The following TNR variants were observed in gnomAD, a reference collection of about 807,000 sequenced individuals.
The protein encoded by TNR is tenascin-R.
Under a neutral mutation model 150.4 loss-of-function variants are expected in TNR, and 45 were observed. The ratio of observed to expected loss-of-function variants is 0.30; its 90% CI spans 0.24 to 0.38. The LOEUF (loss-of-function observed/expected upper bound fraction) is 0.38. Ranked by LOEUF, TNR falls within the 10% of genes least tolerant of loss-of-function variation. The pLI is 1.00. For missense variants in TNR, 1,544 were observed against 1,759.1 expected (o/e 0.88, Z 2.19); for synonymous variants, 687 against 678.4 (o/e 1.01, Z -0.20).
chr1:175,691,531 T>C (rs972967000), intron 1 of TNR, among the ~76,000 whole-genome samples: 1 of 152,048 alleles, frequency 6.6e-6, no homozygotes, highest in Non-Finnish European at 1.5e-5. Context: ...CTACCCACTG[T>C]GTTCCTTAAC....
chr1:175,742,575 C>T (rs534862513), intron 1 of TNR, among the ~76,000 whole-genome samples: 17 of 152,222 alleles, frequency 1.1e-4, no homozygotes, highest in African/African-American at 4.1e-4. Context: ...GGGACCTCAA[C>T]CCCCCAAAGC....
intron 1 of TNR, among the ~76,000 whole-genome samples, chr1:175,547,597 GAAAGAAAGAAAGAAACAAAGAAAC>G (rs1244720320): frequency 0.071 from 1,729 of 24,320 alleles, 50 homozygotes; most frequent in African/African-American, 0.11. Context: ...AAGAAAGAAA[GAAAGAAAGAAAGAAACAAAGAAAC>G]AAAGAAAGAA....
At position 175,330,158 on chromosome 1, in the gene TNR, C is replaced by T. The variant is rs753805387; in HGVS notation, c.3709G>A (p.Ala1237Thr). 5 of 1,613,518 alleles carry T rather than the reference C, an allele frequency of 3.1e-6. No homozygotes were observed. The highest frequency in any genetic ancestry group is 1.1e-5 in the South Asian group (1 of 91,026). ...GAGAACCTGTCGTAGGAGGCGAAGG[C>T]GGCCTCTTGGCCATCCCGCATGTCC... is the stretch of plus-strand genomic sequence containing the variant. ...RVDMRDGQEAAFASYDRFSVE... is the reference protein window; with the variant it reads ...RVDMRDGQEATFASYDRFSVE... The change falls in exon 21 of 23, where the codon GCC becomes ACC. Residue 1237 changes from alanine to threonine, a missense_variant. By Grantham distance (58) the Ala-to-Thr change is moderately conservative. Around this residue, in one of 2 missense-constraint regions of TNR, gnomAD observed 290 missense variants for 429.7 expected, o/e 0.67. Transcript: ENST00000367674.
chr1:175,724,462 T>G (rs1667423942), intron 1 of TNR, among the ~76,000 whole-genome samples: 1 of 152,074 alleles, frequency 6.6e-6, no homozygotes, highest in African/African-American at 2.4e-5. Flanking sequence ...ATAAATCTAT[T>G]CCCATGATCC....
intron 4 of TNR, among the ~76,000 whole-genome samples, chr1:175,399,061 T>G (rs1175337777): frequency 6.6e-6 from 1 of 152,254 alleles, no homozygotes; most frequent in African/African-American, 2.4e-5. Flanking sequence ...AGATGCCTCC[T>G]TTCATTTATA....
chr1:175,609,960 A>G lies in TNR; in HGVS notation c.-164-81591T>C, dbSNP rs545558934. Among the ~76,000 whole-genome samples, 8 of 152,366 alleles carry G rather than the reference A, an allele frequency of 5.3e-5. No homozygotes were observed. The South Asian group carries it at 1.7e-3, about 32-fold the overall frequency. On this transcript the variant is annotated intron_variant, in intron 1 of 22. Coordinates refer to ENST00000367674, the MANE Select transcript of TNR (RefSeq NM_003285.3). ...AATGGGAATGTGATATTGGAATTAC[A>G]AACATGTTGGAGTTTGGGCACATAA...
intron 1 of TNR, among the ~76,000 whole-genome samples, chr1:175,727,366 G>T (rs1387054623): frequency 3.3e-5 from 5 of 152,186 alleles, no homozygotes; most frequent in African/African-American, 7.2e-5. Flanking sequence ...CAGGAGATTT[G>T]GTGAGATTAA....
intron 18 of TNR, 91 bp downstream of exon 18, chr1:175,354,293 TGATAAAC>T: frequency 1.3e-6 from 2 of 1,488,388 alleles, no homozygotes; most frequent in Admixed American, 4.6e-5. Flanking sequence ...TGAGCTTTTT[TGATAAAC>T]TGCTCCCAGA....
intron 1 of TNR, among the ~76,000 whole-genome samples, chr1:175,661,794 C>A (rs1174742343): frequency 1.6e-5 from 1 of 63,952 alleles, no homozygotes; most frequent in Non-Finnish European, 3.7e-5. Context: ...TTTCCCTCCC[C>A]CCTCCCCCCA....
At chr1:175,582,833 C>T (rs1169506300) in intron 1 of TNR, among the ~76,000 whole-genome samples, 2 of 151,854 alleles carry the variant, frequency 1.3e-5, no homozygotes, top group Admixed American at 1.3e-4. Flanking sequence ...AGGGCTCCAC[C>T]CTTATGAATG....
chr1:175,649,660 G>A (rs12092094), intron 1 of TNR, among the ~76,000 whole-genome samples: 21,142 of 151,996 alleles, frequency 0.14, 1,853 homozygotes, highest in African/African-American at 0.25. Context: ...CCCGGCCCCC[G>A]GTTCCATGGG....
In TNR at chr1:175,599,277, G is replaced by A. The variant is rs1305788998; in HGVS notation, c.-164-70908C>T. On this transcript the variant is annotated intron_variant, in intron 1 of 22. Coordinates refer to ENST00000367674, the MANE Select transcript of TNR (RefSeq NM_003285.3). The surrounding 1 kb of genome is among the most constrained non-coding windows in gnomAD (Gnocchi z 4.7). ...TCCTCCCTTTCAGGCGCCCGGGTTT[G>A]CCCACCGCGAAGAGCAGTGGCGGAG... Among the ~76,000 whole-genome samples the A allele has an allele frequency of 6.6e-6, 1 of 152,216 alleles. No homozygotes were observed. Among genetic ancestry groups the A allele is most frequent in the Non-Finnish European group, 1.5e-5 (1 of 68,030 alleles).
At chr1:175,384,401 G>C (rs997973308) in intron 8 of TNR, among the ~76,000 whole-genome samples, 2 of 152,226 alleles carry the variant, frequency 1.3e-5, no homozygotes, top group Non-Finnish European at 2.9e-5. Context: ...CGGATTCCAA[G>C]ATATGTTCAG....
intron 1 of TNR, among the ~76,000 whole-genome samples, chr1:175,685,631 G>GA (rs532251733): frequency 4.6e-5 from 7 of 151,984 alleles, no homozygotes; most frequent in Admixed American, 2.0e-4. Context: ...GCCTTTAAAG[G>GA]AAAAAAATAG....
At chr1:175,571,843 G>C (rs1026214084) in intron 1 of TNR, among the ~76,000 whole-genome samples, 11 of 152,272 alleles carry the variant, frequency 7.2e-5, no homozygotes, top group South Asian at 2.1e-4. Flanking sequence ...AAGAGCATCA[G>C]GCAGAGTAGG....
chr1:175,396,822 T>C lies in TNR; in HGVS notation c.977-15A>G, dbSNP rs377091643. 1 of 1,608,618 alleles carries C rather than the reference T, an allele frequency of 6.2e-7. No homozygotes were observed. The highest frequency in any genetic ancestry group is 8.5e-7 in the Non-Finnish European group (1 of 1,176,032). On this transcript the variant is annotated splice_polypyrimidine_tract_variant and intron_variant, in intron 4 of 22. Coordinates refer to ENST00000367674, the MANE Select transcript of TNR (RefSeq NM_003285.3). Reference sequence around the variant, plus strand: ...TGGAGGGGCAACTACCGGGAGGCAATACACAGATAGCATGAGCTCAGAGGA... The same window carrying C: ...TGGAGGGGCAACTACCGGGAGGCAACACACAGATAGCATGAGCTCAGAGGA...
At chr1:175,406,157 T>A in intron 3 of TNR, 59 bp downstream of exon 3, 1 of 1,566,278 alleles carries the variant, frequency 6.4e-7, no homozygotes. Flanking sequence ...TCACTCTCCC[T>A]CTCTGCTCAG....
intron 1 of TNR, among the ~76,000 whole-genome samples, chr1:175,727,662 A>G (rs942472528): frequency 6.6e-5 from 10 of 152,324 alleles, no homozygotes; most frequent in Middle Eastern, 3.4e-3. Flanking sequence ...GCAGGAACAG[A>G]GGCTTAGGAA....
At chr1:175,694,811 A>G (rs985918879) in intron 1 of TNR, among the ~76,000 whole-genome samples, 4 of 152,166 alleles carry the variant, frequency 2.6e-5, no homozygotes, top group African/African-American at 7.2e-5. Context: ...GAAGACATCT[A>G]CAATCAAAGG....
Sources: gnomAD v4.1 joint callset for allele counts (sites outside exome capture counted in the v4.1 genomes callset) on GRCh38, gnomAD v4.1.1 for gene constraint, gnomAD v4.1.1 regional missense constraint, Gnocchi (gnomAD v3.1) non-coding constraint, MANE v1.5 for transcripts, NCBI Gene and HGNC (gene_info 2026-07-23, HGNC 2026-07-21) for gene names.